Variants in GDF5 observed in about 807,000 individuals in gnomAD.
The protein encoded by GDF5 is growth differentiation factor 5, also known as growth/differentiation factor 5.
A neutral mutation model predicts 34.6 loss-of-function variants in GDF5; 17 were observed. The ratio of observed to expected loss-of-function variants is 0.49; its 90% CI spans 0.34 to 0.74. The LOEUF is 0.74. Ranked by LOEUF, GDF5 falls within the 30% of genes least tolerant of loss-of-function variation. The probability of loss-of-function intolerance (pLI) is 0.01; values close to 1 mark genes in which losing one functional copy is unlikely to be tolerated. For missense variants in GDF5, 616 were observed against 661.2 expected, an observed-to-expected ratio of 0.93 and a Z score of 0.75; for synonymous variants, 332 against 290.7, an observed-to-expected ratio of 1.14 and a Z score of -1.44.
chr20:35,452,701 C>A (rs901658166), intron 1 of GDF5, among the ~76,000 whole-genome samples: 1 of 151,266 alleles, frequency 6.6e-6, no homozygotes, highest in Admixed American at 6.6e-5. Flanking sequence ...GGATTACAGG[C>A]GTGAGCCACC....
rs2062530262 is a variant in GDF5 at position 35,451,056 on chromosome 20, A to ATAT, written c.-398+3583_-398+3584insATA. Among the ~76,000 whole-genome samples the ATAT allele has an allele frequency of 2.9e-3, 192 of 66,974 alleles. 3 individuals carry two copies. The highest frequency in any genetic ancestry group is 9.8e-3 in the Middle Eastern group (1 of 102). 43.9% of individuals were successfully genotyped at this position (66,974 alleles called of 152,430 possible). ...TTAGACTAACAGAAAAAAAAAAAAA[A>ATAT]AAAAAAAAATATATATATATATATA... On this transcript the variant is annotated intron_variant, in intron 1 of 3. Transcript: ENST00000374372.
chr20:35,434,910 G>C (rs774251839), intron 1 of GDF5, 127 bp from the exon 2 acceptor site: 2 of 1,021,332 alleles, frequency 2.0e-6, no homozygotes, highest in Non-Finnish European at 3.1e-6. Context: ...GCCCCATTCT[G>C]ACAGAAGCCA....
In GDF5 at chr20:35,433,450, C is replaced by G. The variant is rs2062451496; in HGVS notation, c.*459G>C. 1.2e-5 allele frequency: 4 copies of G among 325,780 alleles called. No homozygotes were observed. Among genetic ancestry groups the G allele is most frequent in the African/African-American group, 4.3e-5 (2 of 46,534 alleles). 20.2% of individuals were successfully genotyped at this position (325,780 alleles called of 1,614,324 possible). The stretch of plus-strand genomic sequence containing the variant: ...CTATCCAAGCCCTCTCCTCTTCTCT[C>G]CCACTCTTGCCCAGTCAGCTTCTCA... On this transcript the variant is annotated 3_prime_UTR_variant, in exon 2 of 2. Coordinates refer to ENST00000374369, the MANE Select transcript of GDF5 (RefSeq NM_000557.5).
In GDF5 at chr20:35,438,096, C is replaced by G. The variant is rs925696155; in HGVS notation, c.-168G>C. ...TCAGTCTGAGACTCTTGAAGTCTGCCGGGTGTGTGTTTGTATCCAGTCCCA... is the reference window on the plus strand; with the variant it reads ...TCAGTCTGAGACTCTTGAAGTCTGCGGGGTGTGTGTTTGTATCCAGTCCCA... On this transcript the variant is annotated 5_prime_UTR_variant, in exon 1 of 2. Coordinates refer to ENST00000374369, the MANE Select transcript of GDF5 (RefSeq NM_000557.5). The G allele has an allele frequency of 1.2e-5, 9 of 748,822 alleles. No individual in the cohort carries two copies. The highest frequency in any genetic ancestry group is 1.8e-5 in the Non-Finnish European group (8 of 443,180). 46.4% of individuals were successfully genotyped at this position (748,822 alleles called of 1,614,324 possible). A position where few individuals can be genotyped will look rare whatever the true frequency, so the allele number is the denominator to read the frequency against.
At chr20:35,454,247 A>C in intron 1 of GDF5, 1 of 318,726 alleles carries the variant, frequency 3.1e-6, no homozygotes. Context: ...AGGTCAAGAG[A>C]GATCGAGACC....
intron 1 of GDF5, among the ~76,000 whole-genome samples, chr20:35,453,243 C>T (rs1328966027): frequency 6.6e-6 from 1 of 152,032 alleles, no homozygotes; most frequent in African/African-American, 2.4e-5. Flanking sequence ...AAGCAAGACC[C>T]CGTCTCAAAA....
upstream of GDF5, among the ~76,000 whole-genome samples, chr20:35,439,640 C>A (rs1368628155): frequency 1.3e-5 from 2 of 152,146 alleles, no homozygotes; most frequent in Non-Finnish European, 2.9e-5. Context: ...CTCTGGGGAA[C>A]CTTCGCCGTA....
upstream of GDF5, among the ~76,000 whole-genome samples, chr20:35,440,302 T>C (rs1274290680): frequency 2.6e-5 from 4 of 151,222 alleles, no homozygotes; most frequent in Non-Finnish European, 5.9e-5. Context: ...CTAGAGTCCA[T>C]CACACACACA....
At chr20:35,451,092 T>TATATATATATAC (rs1555824851) in intron 1 of GDF5, among the ~76,000 whole-genome samples, 58 of 133,576 alleles carry the variant, frequency 4.3e-4, no homozygotes, top group East Asian at 1.2e-3. Context: ...TATATATATA[T>TATATATATATAC]ACACAAATAT....
intron 1 of GDF5, among the ~76,000 whole-genome samples, chr20:35,448,744 A>G (rs1361192903): frequency 1.3e-5 from 2 of 151,716 alleles, no homozygotes; most frequent in Admixed American, 1.3e-4. Context: ...AGGCCTGACC[A>G]AGGGCCCATT....
chr20:35,440,623 C>T (rs1191556127), upstream of GDF5, among the ~76,000 whole-genome samples: 1 of 152,224 alleles, frequency 6.6e-6, no homozygotes, highest in African/African-American at 2.4e-5. Context: ...TGCCATCACA[C>T]ATTTTCTGTG....
rs1307920671 is a variant in GDF5, at chr20:35,434,649, C to T, written c.766G>A (p.Gly256Arg). 5.6e-6 allele frequency: 9 copies of T among 1,608,988 alleles called. No individual in the cohort carries two copies. Among genetic ancestry groups the T allele is most frequent in the Non-Finnish European group, 4.2e-6 (5 of 1,176,630 alleles). Residue 256 changes from glycine (G) to arginine (R), a missense_variant, in exon 2 of 2, where the codon GGA becomes AGA. Gly to Arg is a moderately radical substitution (Grantham distance 125). Transcript: ENST00000374369. ...PSDTAKPAAP[G>R]GGRAAQLKLS... ...TTCAGCTGGGCAGCCCGCCCGCCTC[C>T]GGGGGCCGCTGGCTTGGCCGTGTCC...
chr20:35,444,331 G>T (rs2062507363), intron 1 of GDF5, among the ~76,000 whole-genome samples: 1 of 152,182 alleles, frequency 6.6e-6, no homozygotes, highest in Non-Finnish European at 1.5e-5. Flanking sequence ...GCCCTTTGAG[G>T]GGGTGATGTT....
At position 35,437,861 on chromosome 20, in the gene GDF5, C is replaced by T; in HGVS notation, c.68G>A (p.Cys23Tyr). The T allele has an allele frequency of 1.9e-6, 3 of 1,614,104 alleles. No individual in the cohort carries two copies. Among genetic ancestry groups the T allele is most frequent in the Non-Finnish European group, 2.5e-6 (3 of 1,180,018 alleles). ...CAAGTCAGGGGCACCCAACACAGTG[C>T]AGATGAATTCCAGGTCCAGCCAAGC... ...YLAWLDLEFI[C>Y]TVLGAPDLGQ... The change falls in exon 1 of 2, where the codon TGC becomes TAC. Residue 23 changes from cysteine (C) to tyrosine (Y), a missense_variant. Cys to Tyr is a radical substitution (Grantham distance 194). Transcript: ENST00000374369.
At chr20:35,450,647 T>G (rs771874107) in intron 1 of GDF5, among the ~76,000 whole-genome samples, 2 of 152,110 alleles carry the variant, frequency 1.3e-5, no homozygotes, top group Non-Finnish European at 2.9e-5. Flanking sequence ...GCCCCTCTCC[T>G]GCAGTTCCCT....
intron 1 of GDF5, among the ~76,000 whole-genome samples, chr20:35,436,953 C>T (rs759344558): frequency 1.3e-5 from 2 of 152,220 alleles, no homozygotes; most frequent in Non-Finnish European, 2.9e-5. Context: ...TTGGAAAGTT[C>T]GGCCAGCCCA....
rs772004484 is a variant in GDF5 at position 35,437,302 on chromosome 20, C to A, written c.627G>T (p.Gly209=). The change falls in exon 1 of 2, where the codon GGG becomes GGT. Residue 209 remains glycine, a synonymous_variant. Coordinates refer to ENST00000374369, the MANE Select transcript of GDF5 (RefSeq NM_000557.5). ...CCTGCCACCCCGCCCCCTCACCTTG[C>A]CCTTTGTCAATAAAGCTGGTGATGG... is the stretch of plus-strand genomic sequence containing the variant. ...ANTITSFIDK[G]QDDRGPVVRK... The A allele has an allele frequency of 6.2e-7, 1 of 1,609,270 alleles. No homozygotes were observed. Among genetic ancestry groups the A allele is most frequent in the East Asian group, 2.2e-5 (1 of 44,868 alleles).
chr20:35,447,886 G>A (rs921180604), intron 1 of GDF5, among the ~76,000 whole-genome samples: 2 of 152,148 alleles, frequency 1.3e-5, no homozygotes, highest in African/African-American at 2.4e-5. Flanking sequence ...AGGCTGAGGC[G>A]GGAAAACTGC....
chr20:35,433,900 C>T lies in GDF5; in HGVS notation c.*9G>A. The stretch of plus-strand genomic sequence containing the variant: ...ATGTGCCACCCAGGAAGACAGAGGG[C>T]CAGTGCTGCTACCTGCAGCCACACG... On this transcript the variant is annotated 3_prime_UTR_variant, in exon 2 of 2. Coordinates refer to ENST00000374369, the MANE Select transcript of GDF5 (RefSeq NM_000557.5). 4 of 1,611,054 alleles carry T rather than the reference C, an allele frequency of 2.5e-6. No individual in the cohort carries two copies. Among genetic ancestry groups the T allele is most frequent in the Non-Finnish European group, 3.4e-6 (4 of 1,177,232 alleles).
Sources: allele counts gnomAD v4.1 joint callset (sites outside exome capture counted in the v4.1 genomes callset), GRCh38; gene constraint gnomAD v4.1.1; transcripts MANE v1.5; gene names NCBI Gene and HGNC (gene_info 2026-07-23, HGNC 2026-07-21).